MED12L: variants seen among roughly 807,000 people sequenced by gnomAD.
MED12L encodes the protein mediator of RNA polymerase II transcription subunit 12-like protein.
Under a neutral mutation model 281.3 loss-of-function variants are expected in MED12L, and 60 were observed. The observed-to-expected ratio is 0.21, with a 90% CI of 0.17 to 0.26. The LOEUF is 0.26. Among genes scored for constraint, MED12L ranks in the 10% least tolerant of loss-of-function variants. MED12L has a pLI of 1.00. For missense variants in MED12L, 2,146 were observed against 2,680.9 expected (o/e 0.80, Z 4.41); for synonymous variants, 974 against 987.2 (o/e 0.99, Z 0.25).
At chr3:151,372,792 C>T (rs767321172) in intron 27 of MED12L, 26 bp downstream of exon 27, 22 of 1,580,068 alleles carry the variant, frequency 1.4e-5, no homozygotes, top group Non-Finnish European at 1.9e-5. Context: ...TTGCCTTTTA[C>T]TTTGAGTACG....
intron 43 of MED12L, among the ~76,000 whole-genome samples, chr3:151,422,965 T>TTA (rs1553820245): frequency 5.4e-5 from 8 of 148,844 alleles, no homozygotes; most frequent in South Asian, 4.2e-4. Context: ...TTTTTTTTTT[T>TTA]AGCTTTTGCA....
chr3:151,186,474 C>T (rs767055816), intron 12 of MED12L, among the ~76,000 whole-genome samples: 14 of 152,188 alleles, frequency 9.2e-5, no homozygotes, highest in Non-Finnish European at 1.5e-4. Context: ...ATCTTGTGCC[C>T]TTCTCCCCAG....
chr3:151,113,279 G>A (rs998513836), intron 2 of MED12L, among the ~76,000 whole-genome samples: 2 of 152,184 alleles, frequency 1.3e-5, no homozygotes, highest in African/African-American at 4.8e-5. Context: ...CAAAATCCCT[G>A]ATTAGAGAAT....
At position 151,242,729 on chromosome 3, in the gene MED12L, G is replaced by A. The variant is rs148394927; in HGVS notation, c.2250+49063G>A. On this transcript the variant is annotated intron_variant, in intron 16 of 44. Coordinates refer to ENST00000687756, the MANE Select transcript of MED12L (RefSeq NM_001393769.1). Reference sequence around the variant, plus strand: ...AGCGCCTCTCCTCCTCCAAAGGAACGCAGTTCCTCACCAGCAGCGGAACAA... The same window carrying A: ...AGCGCCTCTCCTCCTCCAAAGGAACACAGTTCCTCACCAGCAGCGGAACAA... 1.3e-3 allele frequency among the ~76,000 whole-genome samples: 204 copies of A among 152,304 alleles called. 3 individuals are homozygous for A. In the East Asian group the frequency reaches 0.035, roughly 26 times the overall value.
chr3:151,224,721 C>G (rs113075819), intron 16 of MED12L, among the ~76,000 whole-genome samples: 13 of 152,162 alleles, frequency 8.5e-5, no homozygotes, highest in Non-Finnish European at 1.8e-4. Context: ...TGACACTCAC[C>G]ACACTTCTCA....
intron 5 of MED12L, among the ~76,000 whole-genome samples, chr3:151,153,484 T>C (rs1242110844): frequency 6.6e-6 from 1 of 152,112 alleles, no homozygotes; most frequent in African/African-American, 2.4e-5. Context: ...ATAGTCACTT[T>C]CTTTGTATTT....
chr3:151,261,919 G>GT lies in MED12L; in HGVS notation c.2250+68256dup, dbSNP rs1473840654. Among the ~76,000 whole-genome samples the GT allele has an allele frequency of 6.6e-5, 10 of 152,096 alleles. No individual in the cohort carries two copies. In the East Asian group the frequency reaches 1.9e-3, roughly 29 times the overall value. ...TTTTTGTATTTTTAGTAGAGACGGG[G>GT]TTTCACCACGTTGGCCAGGCTGGTC... is the stretch of plus-strand genomic sequence containing the variant. On this transcript the variant is annotated intron_variant, in intron 16 of 44. Coordinates refer to ENST00000687756, the MANE Select transcript of MED12L (RefSeq NM_001393769.1).
At chr3:151,254,391 C>G (rs74465027) in intron 16 of MED12L, among the ~76,000 whole-genome samples, 1 of 152,304 alleles carries the variant, frequency 6.6e-6, no homozygotes, top group African/African-American at 2.4e-5. Context: ...TTGCAACTCC[C>G]TAATTTCATC....
At chr3:151,362,168 A>G (rs1315953244) in intron 21 of MED12L, among the ~76,000 whole-genome samples, 1 of 151,952 alleles carries the variant, frequency 6.6e-6, no homozygotes, top group East Asian at 1.9e-4. Flanking sequence ...GGACCATTGC[A>G]GAGTTCTTCT....
chr3:151,400,641 C>G (rs1371375735), intron 39 of MED12L, among the ~76,000 whole-genome samples: 1 of 152,154 alleles, frequency 6.6e-6, no homozygotes, highest in Non-Finnish European at 1.5e-5. Context: ...GAGCTGTTAG[C>G]TCCTTGGCAA....
intron 11 of MED12L, among the ~76,000 whole-genome samples, chr3:151,176,335 G>C (rs1722043856): frequency 6.6e-6 from 1 of 152,002 alleles, no homozygotes; most frequent in African/African-American, 2.4e-5. Flanking sequence ...TCCATATTTG[G>C]TTCACTTTCA....
At chr3:151,430,490 A>C in intron 44 of MED12L, 110 bp downstream of exon 44, 1 of 1,467,926 alleles carries the variant, frequency 6.8e-7, no homozygotes, top group Non-Finnish European at 9.2e-7. Context: ...CCTCAGTACA[A>C]TGTTCATGTT....
chr3:151,089,631 G>A (rs1431392824), intron 2 of MED12L, among the ~76,000 whole-genome samples: 1 of 151,326 alleles, frequency 6.6e-6, no homozygotes, highest in Non-Finnish European at 1.5e-5. Context: ...GCTCCCAGAA[G>A]GTAGGGTGGA....
intron 5 of MED12L, among the ~76,000 whole-genome samples, chr3:151,154,014 G>A (rs1718934447): frequency 6.6e-6 from 1 of 152,194 alleles, no homozygotes; most frequent in Non-Finnish European, 1.5e-5. Flanking sequence ...GAGCTGAGTT[G>A]AAAATAGGCC....
intron 37 of MED12L, 140 bp from the exon 38 acceptor site, chr3:151,389,839 C>A: frequency 1.4e-6 from 1 of 725,216 alleles, no homozygotes; most frequent in Non-Finnish European, 2.2e-6. Context: ...TAGCACTCTT[C>A]CTTCCATCTT....
intron 16 of MED12L, among the ~76,000 whole-genome samples, chr3:151,266,649 G>T (rs911800799): frequency 2.0e-5 from 3 of 152,126 alleles, no homozygotes; most frequent in African/African-American, 4.8e-5. Context: ...TGAAGGAGTG[G>T]ATGAGCAAGT....
At chr3:151,317,821 T>C (rs1023291241) in intron 16 of MED12L, among the ~76,000 whole-genome samples, 1 of 152,148 alleles carries the variant, frequency 6.6e-6, no homozygotes, top group Non-Finnish European at 1.5e-5. Flanking sequence ...TTTTCTTGAA[T>C]GCAACATTTA....
At chr3:151,342,614 G>A (rs1204757334) in intron 16 of MED12L, among the ~76,000 whole-genome samples, 2 of 152,152 alleles carry the variant, frequency 1.3e-5, no homozygotes, top group African/African-American at 4.8e-5. Context: ...AATGGAATAA[G>A]AATTTTGTTG....
intron 2 of MED12L, among the ~76,000 whole-genome samples, chr3:151,109,144 G>T (rs1405712555): frequency 4.6e-5 from 7 of 151,480 alleles, no homozygotes; most frequent in Non-Finnish European, 8.8e-5. Flanking sequence ...TGCAACCTCT[G>T]CCTCCCGGGT....
Sources: allele counts gnomAD v4.1 joint callset (sites outside exome capture counted in the v4.1 genomes callset), GRCh38; gene constraint gnomAD v4.1.1; transcripts MANE v1.5; gene names NCBI Gene and HGNC (gene_info 2026-07-23, HGNC 2026-07-21).